The following TDRD3 variants were observed in gnomAD, a reference collection of about 807,000 sequenced individuals.
The protein encoded by TDRD3 is tudor domain containing 3, also known as tudor domain-containing protein 3.
Under a neutral mutation model 86.7 loss-of-function variants are expected in TDRD3, and 45 were observed. The observed-to-expected ratio is 0.52, with a 90% confidence interval of 0.41 to 0.67. TDRD3 has a LOEUF of 0.67. Ranked by LOEUF, TDRD3 falls within the 30% of genes least tolerant of loss-of-function variation. The pLI is 0.00. For missense variants in TDRD3, 814 were observed against 889.0 expected (o/e 0.92, Z 1.07); for synonymous variants, 298 against 301.7 (o/e 0.99, Z 0.13).
chr13:60,501,968 C>T, intron 8 of TDRD3, among the ~76,000 whole-genome samples: 1 of 152,130 alleles, frequency 6.6e-6, no homozygotes, highest in East Asian at 1.9e-4. Flanking sequence ...TGGAAACTCT[C>T]TGTCTGATAT....
At chr13:60,523,219 G>GC (rs1365415475) in intron 10 of TDRD3, among the ~76,000 whole-genome samples, 2 of 152,096 alleles carry the variant, frequency 1.3e-5, no homozygotes, top group Non-Finnish European at 2.9e-5. Flanking sequence ...ACTACAAAAT[G>GC]CAGGTACAAC....
At chr13:60,530,619 T>A (rs1957561580) in intron 11 of TDRD3, among the ~76,000 whole-genome samples, 1 of 150,244 alleles carries the variant, frequency 6.7e-6, no homozygotes, top group Non-Finnish European at 1.5e-5. Flanking sequence ...TTTTTGTATT[T>A]TTTTTTTTTT....
At chr13:60,449,222 A>G (rs1594946042) in intron 3 of TDRD3, among the ~76,000 whole-genome samples, 1 of 152,062 alleles carries the variant, frequency 6.6e-6, no homozygotes, top group Admixed American at 6.6e-5. Flanking sequence ...ATAAAATAAT[A>G]TGTTTCCTAT....
intron 10 of TDRD3, among the ~76,000 whole-genome samples, chr13:60,516,050 T>C (rs1957160379): frequency 6.6e-6 from 1 of 152,224 alleles, no homozygotes; most frequent in Non-Finnish European, 1.5e-5. Flanking sequence ...GGGTCTGTTA[T>C]AGACTCAAAT....
chr13:60,508,308 A>G (rs566306744), intron 8 of TDRD3, among the ~76,000 whole-genome samples: 5 of 152,128 alleles, frequency 3.3e-5, no homozygotes, highest in Non-Finnish European at 5.9e-5. Flanking sequence ...CCCATGTAGC[A>G]AAGACAATCC....
intron 5 of TDRD3, among the ~76,000 whole-genome samples, chr13:60,471,680 T>C (rs1245610956): frequency 6.6e-6 from 1 of 152,220 alleles, no homozygotes; most frequent in Non-Finnish European, 1.5e-5. Flanking sequence ...ATTGTTAGTG[T>C]AGAGAAACAC....
At position 60,529,213 on chromosome 13, in the gene TDRD3, A is replaced by G. The variant is rs1957527112; in HGVS notation, c.1988A>G (p.Asn663Ser). Residue 663 changes from asparagine to serine, a missense_variant, in exon 11 of 14, where the codon AAC becomes AGC. Physicochemically the swap from Asn to Ser is conservative, Grantham distance 46 (BLOSUM62 1). Coordinates refer to ENST00000377881, the MANE Select transcript of TDRD3 (RefSeq NM_001146070.2). Reference sequence around the variant, plus strand: ...TGTTTTGCACTTTATTGGGAAGACAACAAGGTATGGATGCTTTAAAGATAT... The same window carrying G: ...TGTTTTGCACTTTATTGGGAAGACAGCAAGGTATGGATGCTTTAAAGATAT... ...DECFALYWED[N>S]KFYRAEVEAL... 6.3e-7 allele frequency: 1 copy of G among 1,593,402 alleles called. No homozygotes were observed. Among genetic ancestry groups the G allele is most frequent in the Non-Finnish European group, 8.5e-7 (1 of 1,171,276 alleles).
At chr13:60,426,475 T>C (rs1954812111) in intron 1 of TDRD3, among the ~76,000 whole-genome samples, 1 of 152,220 alleles carries the variant, frequency 6.6e-6, no homozygotes, top group South Asian at 2.1e-4. Context: ...TAAGCTTCAC[T>C]ATGGTAACTA....
intron 10 of TDRD3, among the ~76,000 whole-genome samples, chr13:60,517,366 G>A (rs1957195548): frequency 6.6e-6 from 1 of 152,132 alleles, no homozygotes; most frequent in African/African-American, 2.4e-5. Flanking sequence ...TATTAGGCTA[G>A]ATGTTATTGT....
chr13:60,399,153 C>G (rs1358094565), intron 1 of TDRD3, among the ~76,000 whole-genome samples: 1 of 152,090 alleles, frequency 6.6e-6, no homozygotes, highest in Non-Finnish European at 1.5e-5. Flanking sequence ...AGAAATGCAC[C>G]AGATTGTAGG....
At chr13:60,507,331 C>G (rs1432784218) in intron 8 of TDRD3, among the ~76,000 whole-genome samples, 2 of 152,190 alleles carry the variant, frequency 1.3e-5, no homozygotes, top group Non-Finnish European at 2.9e-5. Context: ...GAACTCAGCT[C>G]TGGACCAAGC....
upstream of TDRD3, chr13:60,396,390 G>A (rs989331789): frequency 3.3e-5 from 5 of 152,388 alleles, no homozygotes; most frequent in East Asian, 1.9e-4. Context: ...GTGAGTCACG[G>A]ACGCCCAATC....
At chr13:60,431,679 G>A in intron 1 of TDRD3, among the ~76,000 whole-genome samples, 1 of 94,190 alleles carries the variant, frequency 1.1e-5, no homozygotes, top group Admixed American at 1.5e-4. Context: ...ACCAGCCTGA[G>A]CAACAAAGCA....
upstream of TDRD3, chr13:60,397,157 C>A (rs773122868): frequency 1.0e-5 from 4 of 401,002 alleles, no homozygotes; most frequent in South Asian, 3.2e-4. Context: ...CCACACCAGG[C>A]CGGCCCCTAC....
chr13:60,454,485 C>T (rs1280711802), intron 3 of TDRD3, among the ~76,000 whole-genome samples: 1 of 152,008 alleles, frequency 6.6e-6, no homozygotes, highest in Admixed American at 6.6e-5. Context: ...TGATCTTTCT[C>T]TGTGAGAATC....
chr13:60,567,541 A>C lies in TDRD3; in HGVS notation c.2135A>C (p.Tyr712Ser). 1 of 1,614,138 alleles carries C rather than the reference A, an allele frequency of 6.2e-7. No homozygotes were observed. Among genetic ancestry groups the C allele is most frequent in the Non-Finnish European group, 8.5e-7 (1 of 1,180,026 alleles). The change falls in exon 13 of 14, where the codon TAC (tyrosine) becomes TCC (serine). Residue 712 changes from tyrosine to serine, a missense_variant. Transcript: ENST00000377881. ...TGCAAATAGGAGGAAGAAGGCACCTACGATCAAACTCTGGAGTTCCGTAGG... is the reference window on the plus strand; with the variant it reads ...TGCAAATAGGAGGAAGAAGGCACCTCCGATCAAACTCTGGAGTTCCGTAGG... Reference protein sequence around the residue: ...QTEAWEEEGTYDQTLEFRRGG... With the variant: ...QTEAWEEEGTSDQTLEFRRGG...
At chr13:60,561,998 G>A (rs1443116661) in intron 12 of TDRD3, among the ~76,000 whole-genome samples, 1 of 152,070 alleles carries the variant, frequency 6.6e-6, no homozygotes, top group African/African-American at 2.4e-5. Context: ...CACCAAGGTT[G>A]TCTGTAATCT....
At chr13:60,539,990 A>C (rs1357577742) in intron 12 of TDRD3, among the ~76,000 whole-genome samples, 1 of 152,132 alleles carries the variant, frequency 6.6e-6, no homozygotes, top group Non-Finnish European at 1.5e-5. Flanking sequence ...TCAAAGGAGG[A>C]TTAGAATTAT....
At chr13:60,559,623 T>G (rs1566305130) in intron 12 of TDRD3, among the ~76,000 whole-genome samples, 1 of 152,156 alleles carries the variant, frequency 6.6e-6, no homozygotes, top group Non-Finnish European at 1.5e-5. Flanking sequence ...TTGTGCTAAA[T>G]GAAATAAGCC....
Sources: allele counts gnomAD v4.1 joint callset (sites outside exome capture counted in the v4.1 genomes callset), GRCh38; gene constraint gnomAD v4.1.1; transcripts MANE v1.5; gene names NCBI Gene and HGNC (gene_info 2026-07-23, HGNC 2026-07-21).